The following AFF3 variants were observed in gnomAD, a reference collection of about 807,000 sequenced individuals.
The protein encoded by AFF3 is ALF transcription elongation factor 3.
A neutral mutation model predicts 129.7 loss-of-function variants in AFF3; 32 were observed. The observed-to-expected ratio is 0.25, with a 90% confidence interval of 0.19 to 0.33. The LOEUF (loss-of-function observed/expected upper bound fraction) is 0.33, where lower values mean the gene tolerates loss of function less well. AFF3 is among the 10% of genes least tolerant of loss of function. The pLI is 1.00. For synonymous variants in AFF3, 644 were observed against 635.4 expected (o/e 1.01, Z -0.20); for missense variants, 1,373 against 1,592.0 (o/e 0.86, Z 2.34).
At chr2:99,578,287 T>C in intron 18 of AFF3, 40 bp downstream of exon 18, 13 of 1,545,326 alleles carry the variant, frequency 8.4e-6, no homozygotes, top group Non-Finnish European at 1.1e-5. Flanking sequence ...GCTTCTGTTC[T>C]GTCTTGCCCC....
chr2:100,040,624 G>A (rs1027772783), intron 4 of AFF3, among the ~76,000 whole-genome samples: 14 of 152,134 alleles, frequency 9.2e-5, no homozygotes, highest in Admixed American at 3.3e-4. Context: ...ATGTCAGGTC[G>A]CCTGCCTATG....
intron 7 of AFF3, among the ~76,000 whole-genome samples, chr2:99,875,180 G>T (rs887875191): frequency 1.3e-5 from 2 of 152,038 alleles, no homozygotes; most frequent in African/African-American, 4.8e-5. Context: ...CCATCTCCTT[G>T]TCCAGCTCAG....
intron 7 of AFF3, among the ~76,000 whole-genome samples, chr2:99,904,907 A>T (rs1694603398): frequency 6.6e-6 from 1 of 152,030 alleles, no homozygotes; most frequent in Non-Finnish European, 1.5e-5. Flanking sequence ...CCCTCCCCAC[A>T]GCAGTGCTGG....
chr2:99,957,585 A>G (rs966438389), intron 7 of AFF3, among the ~76,000 whole-genome samples: 1 of 152,238 alleles, frequency 6.6e-6, no homozygotes, highest in Non-Finnish European at 1.5e-5. Flanking sequence ...GAGGCAGCAC[A>G]GTCTCCAAAG....
chr2:99,973,903 G>A (rs1466716388), intron 7 of AFF3, among the ~76,000 whole-genome samples: 1 of 152,134 alleles, frequency 6.6e-6, no homozygotes, highest in East Asian at 1.9e-4. Context: ...TCAGTAATAA[G>A]AGTCCTGCCT....
chr2:99,973,806 T>C (rs929445640), intron 7 of AFF3, among the ~76,000 whole-genome samples: 5 of 152,176 alleles, frequency 3.3e-5, no homozygotes, highest in African/African-American at 1.2e-4. Context: ...GGCCTGCTTG[T>C]TCGCTGTCCC....
intron 8 of AFF3, among the ~76,000 whole-genome samples, chr2:99,828,420 C>CA (rs1462690426): frequency 6.6e-6 from 1 of 152,216 alleles, no homozygotes; most frequent in Non-Finnish European, 1.5e-5. Flanking sequence ...TCCAGACCTC[C>CA]AGCACTGGCT....
At chr2:99,674,146 G>A (rs1334484419) in intron 11 of AFF3, among the ~76,000 whole-genome samples, 1 of 152,170 alleles carries the variant, frequency 6.6e-6, no homozygotes, top group Non-Finnish European at 1.5e-5. Flanking sequence ...AGTGCCGAGA[G>A]GTGTCGTTCT....
At position 99,621,834 on chromosome 2, in the gene AFF3, C is replaced by A. The variant is rs1255963721; in HGVS notation, c.1185-20213G>T. ...CTAGGAAAAGAGAGAAGGGGGCAAG[C>A]TCCAGGCAAAGCGGGTGGAATAACA... On this transcript the variant is annotated intron_variant, in intron 13 of 24. Coordinates refer to ENST00000672756, the MANE Select transcript of AFF3 (RefSeq NM_001386135.1). Among the ~76,000 whole-genome samples, 3 of 152,106 alleles carry A rather than the reference C, an allele frequency of 2.0e-5. No homozygotes were observed. In the East Asian group the frequency reaches 5.8e-4, roughly 29 times the overall value.
At chr2:99,567,134 A>AC (rs1676048439) in intron 19 of AFF3, among the ~76,000 whole-genome samples, 1 of 130,026 alleles carries the variant, frequency 7.7e-6, no homozygotes, top group South Asian at 2.5e-4. Context: ...CACCTGGCTC[A>AC]TTTTTTTTTT....
At chr2:99,878,470 T>G (rs1444034593) in intron 7 of AFF3, among the ~76,000 whole-genome samples, 1 of 152,186 alleles carries the variant, frequency 6.6e-6, no homozygotes, top group African/African-American at 2.4e-5. Flanking sequence ...CCAAATTAAC[T>G]CAAAGTCTCA....
At chr2:100,044,817 C>G (rs1325446611) in intron 4 of AFF3, among the ~76,000 whole-genome samples, 2 of 151,916 alleles carry the variant, frequency 1.3e-5, no homozygotes, top group Non-Finnish European at 1.5e-5. Context: ...TTTAGAGGCC[C>G]CATCAAACAT....
intron 11 of AFF3, among the ~76,000 whole-genome samples, chr2:99,715,352 C>A (rs1218526464): frequency 6.6e-6 from 1 of 152,110 alleles, no homozygotes; most frequent in Non-Finnish European, 1.5e-5. Context: ...ACTGCAGACA[C>A]GAGGCTGTTT....
chr2:99,829,601 T>C (rs1688362114), intron 8 of AFF3, among the ~76,000 whole-genome samples: 1 of 152,226 alleles, frequency 6.6e-6, no homozygotes, highest in South Asian at 2.1e-4. Context: ...TTAGGCCAGT[T>C]AGAATGGAGA....
intron 8 of AFF3, among the ~76,000 whole-genome samples, chr2:99,769,839 A>T (rs777699185): frequency 2.0e-4 from 30 of 152,104 alleles, no homozygotes; most frequent in Non-Finnish European, 3.4e-4. Context: ...CTTTCTCCCA[A>T]ACAAATGGAG....
At chr2:99,951,517 C>A (rs1676160882) in intron 7 of AFF3, among the ~76,000 whole-genome samples, 1 of 152,066 alleles carries the variant, frequency 6.6e-6, no homozygotes, top group Non-Finnish European at 1.5e-5. Flanking sequence ...TTACAACAAT[C>A]TTATTAGTGA....
intron 11 of AFF3, among the ~76,000 whole-genome samples, chr2:99,725,652 C>T (rs189612007): frequency 9.9e-5 from 15 of 152,228 alleles, no homozygotes; most frequent in Admixed American, 5.9e-4. Context: ...TTTAGAAATA[C>T]GTAAGGGAAG....
intron 16 of AFF3, among the ~76,000 whole-genome samples, chr2:99,584,175 G>A (rs191064560): frequency 6.6e-6 from 1 of 152,206 alleles, no homozygotes; most frequent in East Asian, 1.9e-4. Flanking sequence ...ATATAAAAAC[G>A]GTGAGTAGGA....
At chr2:99,736,031 C>T (rs1680224643) in intron 10 of AFF3, among the ~76,000 whole-genome samples, 1 of 152,078 alleles carries the variant, frequency 6.6e-6, no homozygotes, top group African/African-American at 2.4e-5. Context: ...CTTTTAAAAT[C>T]TGTTGAAACT....
Sources: gnomAD v4.1 joint callset for allele counts (sites outside exome capture counted in the v4.1 genomes callset) on GRCh38, gnomAD v4.1.1 for gene constraint, MANE v1.5 for transcripts, NCBI Gene and HGNC (gene_info 2026-07-23, HGNC 2026-07-21) for gene names.